CD2AP: variants seen among roughly 807,000 people sequenced by gnomAD.
CD2AP encodes CD2 associated protein.
Under a neutral mutation model 85.1 loss-of-function variants are expected in CD2AP, and 46 were observed. That is an observed-to-expected ratio of 0.54 (90% CI 0.43 to 0.69). The LOEUF (loss-of-function observed/expected upper bound fraction) is 0.69. Among genes scored for constraint, CD2AP ranks in the 30% least tolerant of loss-of-function variants. CD2AP has a pLI of 0.00. For synonymous variants in CD2AP, 255 were observed against 252.9 expected (o/e 1.01, Z -0.08); for missense variants, 769 against 729.5 (o/e 1.05, Z -0.62).
chr6:47,603,874 A>G (rs946151874), intron 13 of CD2AP, among the ~76,000 whole-genome samples: 1 of 152,062 alleles, frequency 6.6e-6, no homozygotes, highest in African/African-American at 2.4e-5. Context: ...AGTATTTTCA[A>G]TATAAATAGG....
At chr6:47,485,417 A>C (rs1765543154) in intron 1 of CD2AP, among the ~76,000 whole-genome samples, 1 of 152,212 alleles carries the variant, frequency 6.6e-6, no homozygotes, top group Non-Finnish European at 1.5e-5. Flanking sequence ...AATGGAAAAA[A>C]GCTTATAGAA....
At chr6:47,615,399 G>T (rs529594490) in intron 17 of CD2AP, among the ~76,000 whole-genome samples, 1 of 152,230 alleles carries the variant, frequency 6.6e-6, no homozygotes, top group East Asian at 1.9e-4. Context: ...AATTTAATTG[G>T]CTCATGGTTC....
At chr6:47,547,154 T>C (rs1424430081) in intron 4 of CD2AP, among the ~76,000 whole-genome samples, 3 of 152,084 alleles carry the variant, frequency 2.0e-5, no homozygotes, top group African/African-American at 7.2e-5. Context: ...AACTCAGGTA[T>C]ATAGGCAACA....
intron 16 of CD2AP, among the ~76,000 whole-genome samples, chr6:47,610,675 G>T (rs1257910371): frequency 1.3e-5 from 2 of 151,574 alleles, no homozygotes; most frequent in African/African-American, 2.4e-5. Flanking sequence ...GTATATAGAG[G>T]AGTTTATAAT....
intron 11 of CD2AP, among the ~76,000 whole-genome samples, chr6:47,584,513 T>A (rs571750218): frequency 4.6e-5 from 7 of 152,082 alleles, no homozygotes; most frequent in Admixed American, 4.6e-4. Context: ...AAAGTTCAAA[T>A]TCAAGGCCCT....
intron 5 of CD2AP, among the ~76,000 whole-genome samples, chr6:47,557,313 G>A (rs1374744246): frequency 6.6e-5 from 10 of 151,992 alleles, no homozygotes; most frequent in African/African-American, 1.4e-4. Context: ...TTGCTGTGCC[G>A]AAGCTCTTTA....
chr6:47,523,273 T>C (rs1766641953), intron 2 of CD2AP, among the ~76,000 whole-genome samples: 2 of 152,110 alleles, frequency 1.3e-5, no homozygotes, highest in Non-Finnish European at 2.9e-5. Context: ...CTTGCAGATA[T>C]TGGAATATTA....
chr6:47,568,518 G>A (rs1398349589), intron 5 of CD2AP, among the ~76,000 whole-genome samples: 1 of 152,080 alleles, frequency 6.6e-6, no homozygotes, highest in Non-Finnish European at 1.5e-5. Flanking sequence ...GAGGTGGGTG[G>A]ATCACAAGGT....
rs1765342859 is a variant in CD2AP, at chr6:47,477,918, G to A, written c.-327G>A. On this transcript the variant is annotated 5_prime_UTR_variant, in exon 1 of 18. It adds an upstream start codon to the 5' untranslated region. Coordinates refer to ENST00000359314, the MANE Select transcript of CD2AP (RefSeq NM_012120.3). ...TGGAGCCGAGGGTCTGGGCAAACCG[G>A]TGGGTCCCTCCCCACTGCGGGAGCG... 10 of 471,304 alleles carry A rather than the reference G, an allele frequency of 2.1e-5. No homozygotes were observed. The highest frequency in any genetic ancestry group is 3.8e-5 in the Non-Finnish European group (10 of 263,362). The allele number at this position is 471,304 out of a possible 1,614,324, so 29.2% of individuals were successfully genotyped here.
intron 1 of CD2AP, among the ~76,000 whole-genome samples, chr6:47,488,101 T>TAATAGAG (rs1765612653): frequency 1.3e-5 from 2 of 151,796 alleles, no homozygotes; most frequent in African/African-American, 4.8e-5. Context: ...TAAGTCCCTT[T>TAATAGAG]AATAGAGAAT....
intron 1 of CD2AP, among the ~76,000 whole-genome samples, chr6:47,482,658 G>A (rs1765474377): frequency 6.6e-6 from 1 of 152,088 alleles, no homozygotes; most frequent in South Asian, 2.1e-4. Flanking sequence ...GATTATAGGC[G>A]TGAGCCACCT....
chr6:47,512,064 A>G (rs1766328941), intron 2 of CD2AP, among the ~76,000 whole-genome samples: 1 of 152,170 alleles, frequency 6.6e-6, no homozygotes, highest in Admixed American at 6.5e-5. Context: ...AGGCTGAGGC[A>G]GGAGAATGGT....
At chr6:47,488,624 T>C (rs1765636599) in intron 1 of CD2AP, among the ~76,000 whole-genome samples, 1 of 151,738 alleles carries the variant, frequency 6.6e-6, no homozygotes, top group African/African-American at 2.4e-5. Context: ...TTTCAAGTGC[T>C]CAATATTTTT....
chr6:47,548,620 A>G (rs1033855502), intron 4 of CD2AP, among the ~76,000 whole-genome samples: 1 of 152,318 alleles, frequency 6.6e-6, no homozygotes, highest in South Asian at 2.1e-4. Context: ...CCAGAATTCT[A>G]CCAGACATTC....
At chr6:47,550,119 A>G (rs1394857429) in intron 4 of CD2AP, among the ~76,000 whole-genome samples, 5 of 152,184 alleles carry the variant, frequency 3.3e-5, no homozygotes. Context: ...TGAAGATAAC[A>G]TTGGAAAAAC....
intron 17 of CD2AP, among the ~76,000 whole-genome samples, chr6:47,615,175 C>G (rs1041544364): frequency 1.3e-5 from 2 of 152,130 alleles, no homozygotes; most frequent in African/African-American, 4.8e-5. Context: ...AACCTTGGCT[C>G]TTATCCTGAG....
chr6:47,610,971 A>ATATATATATTTTTTT, intron 16 of CD2AP, among the ~76,000 whole-genome samples: 2 of 112,908 alleles, frequency 1.8e-5, no homozygotes, highest in African/African-American at 7.2e-5. Context: ...ATATATATGT[A>ATATATATATTTTTTT]TTTTTTTTTT....
At chr6:47,482,782 T>G (rs995092931) in intron 1 of CD2AP, among the ~76,000 whole-genome samples, 2 of 152,234 alleles carry the variant, frequency 1.3e-5, no homozygotes, top group African/African-American at 4.8e-5. Flanking sequence ...AGTGCTTCAT[T>G]TTTATTTATT....
chr6:47,488,510 A>C (rs754257349), intron 1 of CD2AP, among the ~76,000 whole-genome samples: 7 of 152,158 alleles, frequency 4.6e-5, no homozygotes, highest in Non-Finnish European at 1.5e-5. Flanking sequence ...CAGTATAAAA[A>C]GTTATTAATG....
Sources: gnomAD v4.1 joint callset for allele counts (sites outside exome capture counted in the v4.1 genomes callset) on GRCh38, gnomAD v4.1.1 for gene constraint, MANE v1.5 for transcripts, NCBI Gene and HGNC (gene_info 2026-07-23, HGNC 2026-07-21) for gene names.